The following INO80 variants were observed in gnomAD, a reference collection of about 807,000 sequenced individuals.
INO80 encodes INO80 complex ATPase subunit.
INO80 carries 20 observed loss-of-function variants against 203.4 expected under a neutral mutation model. The observed-to-expected ratio is 0.10, with a 90% CI of 0.07 to 0.14. The LOEUF (loss-of-function observed/expected upper bound fraction) is 0.14. Ranked by LOEUF, INO80 falls within the 10% of genes least tolerant of loss-of-function variation. The pLI is 1.00. For missense variants in INO80, 1,419 were observed against 1,914.4 expected (o/e 0.74, Z 4.83); for synonymous variants, 726 against 685.2 (o/e 1.06, Z -0.93).
At chr15:41,104,685 G>GT (rs1312409723) in intron 1 of INO80, among the ~76,000 whole-genome samples, 85 of 152,104 alleles carry the variant, frequency 5.6e-4, no homozygotes, top group African/African-American at 2.0e-3. Flanking sequence ...TTACAAGCAT[G>GT]AGCCACCACA....
chr15:40,998,665 T>G (rs1348659946), intron 28 of INO80, among the ~76,000 whole-genome samples: 1 of 152,038 alleles, frequency 6.6e-6, no homozygotes, highest in Non-Finnish European at 1.5e-5. Flanking sequence ...TTGTTTTTTT[T>G]TTTTTGAAGA....
At chr15:41,007,182 CTT>C (rs11330780) in intron 27 of INO80, among the ~76,000 whole-genome samples, 6,523 of 118,624 alleles carry the variant, frequency 0.055, 353 homozygotes, top group African/African-American at 0.18. Flanking sequence ...TTTTTTTTTT[CTT>C]TTTTTTTTTT....
chr15:41,075,483 C>T (rs1362641579), intron 9 of INO80, among the ~76,000 whole-genome samples: 1 of 151,930 alleles, frequency 6.6e-6, no homozygotes, highest in Non-Finnish European at 1.5e-5. Flanking sequence ...GGGGCAGAGT[C>T]TCCCTCTGTC....
intron 26 of INO80, chr15:41,019,618 T>C (rs377288384): frequency 6.6e-6 from 1 of 152,352 alleles, no homozygotes; most frequent in African/African-American, 2.4e-5. Flanking sequence ...CCTGGGATTC[T>C]GTAGTTTCCT....
At chr15:41,114,157 C>T (rs1200251629) in intron 1 of INO80, among the ~76,000 whole-genome samples, 1 of 151,738 alleles carries the variant, frequency 6.6e-6, no homozygotes, top group Non-Finnish European at 1.5e-5. Flanking sequence ...ATACCAGCTA[C>T]TCAGGAGGCT....
intron 16 of INO80, among the ~76,000 whole-genome samples, chr15:41,057,489 GAAGT>G (rs1467333911): frequency 6.7e-6 from 1 of 148,828 alleles, no homozygotes; most frequent in Non-Finnish European, 1.5e-5. Context: ...ATTGCTGTAG[GAAGT>G]AAGACCTTTC....
rs776902718 is a variant in INO80, at chr15:40,987,846, G to A, written c.3699C>T (p.Arg1233=). 5 of 1,614,136 alleles carry A rather than the reference G, an allele frequency of 3.1e-6. No individual in the cohort carries two copies. The South Asian group carries it at 3.3e-5, about 11-fold the overall frequency. The change falls in exon 30 of 36, where the codon CGC becomes CGT. Residue 1233 remains arginine (R), a synonymous_variant. Coordinates refer to ENST00000648947, the MANE Select transcript of INO80 (RefSeq NM_017553.3). ...TCTTCTCCTTGGCTCTTTGCAGAAT[G>A]CGTTCTTCAATGGTGCCTTTACAGA... ...RLICKGTIEE[R]ILQRAKEKSE... is the part of the protein sequence containing the mutation.
At chr15:41,047,620 T>A in intron 22 of INO80, 119 bp from the exon 23 acceptor site, 1 of 672,488 alleles carries the variant, frequency 1.5e-6, no homozygotes, top group Non-Finnish European at 2.5e-6. Flanking sequence ...AAGGTTCTGA[T>A]CTAGCCACTT....
chr15:41,033,337 ATTT>A (rs552646852), intron 24 of INO80, among the ~76,000 whole-genome samples: 3 of 138,952 alleles, frequency 2.2e-5, no homozygotes, highest in Admixed American at 1.4e-4. Context: ...CTGAATCAGA[ATTT>A]TTTTTTTTTT....
intron 27 of INO80, 121 bp downstream of exon 27, chr15:41,015,964 AAAG>A (rs1344179524): frequency 1.3e-6 from 1 of 782,298 alleles, no homozygotes; most frequent in African/African-American, 1.8e-5. Flanking sequence ...AAAAAAGGAA[AAAG>A]AAAAAAGACA....
intron 23 of INO80, among the ~76,000 whole-genome samples, chr15:41,045,873 C>A (rs2044749067): frequency 6.7e-6 from 1 of 149,344 alleles, no homozygotes; most frequent in African/African-American, 2.5e-5. Context: ...TGCACTCCAA[C>A]CTAGGCGACC....
At chr15:41,004,440 G>A (rs1433156770) in intron 28 of INO80, 2 of 152,212 alleles carry the variant, frequency 1.3e-5, no homozygotes, top group African/African-American at 2.4e-5. Flanking sequence ...GAATTCAGAA[G>A]TGAAATATTA....
chr15:41,004,488 C>T (rs1372176957), intron 28 of INO80: 1 of 152,178 alleles, frequency 6.6e-6, no homozygotes, highest in Non-Finnish European at 1.5e-5. Flanking sequence ...CAAAGCTGTT[C>T]TGATTTACTG....
Position 41,079,859 on chromosome 15 carries a change from C to G in INO80, c.973G>C (p.Ala325Pro). 1 of 1,614,076 alleles carries G rather than the reference C, an allele frequency of 6.2e-7. No homozygotes were observed. Among genetic ancestry groups the G allele is most frequent in the Non-Finnish European group, 8.5e-7 (1 of 1,180,018 alleles). Residue 325 changes from alanine to proline, a missense_variant, in exon 9 of 36, where the codon GCC (alanine) becomes CCC (proline). Physicochemically the swap from Ala to Pro is conservative, Grantham distance 27. This residue lies in a region of INO80 where 87 missense variants were observed against 150.5 expected (regional missense o/e 0.58). Coordinates refer to ENST00000648947, the MANE Select transcript of INO80 (RefSeq NM_017553.3). ...MKEVRRAALQ[A>P]QKNCKETLPR... Reference sequence around the variant, plus strand: ...AAGGTTTCCTTACAGTTCTTCTGGGCCTGCAAGGCAGCTCGACGCACCTCC... The same window carrying G: ...AAGGTTTCCTTACAGTTCTTCTGGGGCTGCAAGGCAGCTCGACGCACCTCC...
chr15:41,096,032 T>G (rs1021102751), intron 2 of INO80, 104 bp from the exon 3 acceptor site: 1 of 1,410,304 alleles, frequency 7.1e-7, no homozygotes, highest in African/African-American at 1.4e-5. Flanking sequence ...CTGAAATAAA[T>G]TGACTTTTTT....
rs2045550695 is a variant in INO80 at position 41,085,557 on chromosome 15, T to C, written c.685A>G (p.Arg229Gly). 1 of 1,613,820 alleles carries C rather than the reference T, an allele frequency of 6.2e-7. No individual in the cohort carries two copies. The highest frequency in any genetic ancestry group is 8.5e-7 in the Non-Finnish European group (1 of 1,179,786). The change falls in exon 7 of 36, where the codon AGA (arginine) becomes GGA (glycine). Residue 229 changes from arginine to glycine, a missense_variant. By Grantham distance (125) the Arg-to-Gly change is moderately radical. Around this residue, in one of 9 missense-constraint regions of INO80, gnomAD observed 323 missense variants for 325.4 expected, o/e 0.99. Transcript: ENST00000648947. ...KAKLKKVKKK[R>G]RRDEELSSEE... Reference sequence around the variant, plus strand: ...GAGGAAAGTTCTTCATCTCTTCGTCTTTTTTTCTTCACTTTTTTCAACTTA... The same window carrying C: ...GAGGAAAGTTCTTCATCTCTTCGTCCTTTTTTCTTCACTTTTTTCAACTTA...
chr15:41,007,204 G>C (rs11631664), intron 27 of INO80, among the ~76,000 whole-genome samples: 2 of 84,272 alleles, frequency 2.4e-5, no homozygotes, highest in Non-Finnish European at 4.4e-5. Context: ...TTTTTTTTTA[G>C]ACACTGTCTT....
At chr15:41,081,859 T>C (rs79784948) in intron 7 of INO80, among the ~76,000 whole-genome samples, 4,980 of 152,146 alleles carry the variant, frequency 0.033, 215 homozygotes, top group African/African-American at 0.095. Flanking sequence ...GACAGCAAAT[T>C]TAAGGGAATA....
At chr15:41,072,326 G>T (rs182805877) in intron 11 of INO80, among the ~76,000 whole-genome samples, 1 of 151,914 alleles carries the variant, frequency 6.6e-6, no homozygotes, top group African/African-American at 2.4e-5. Flanking sequence ...ATGTTAAATA[G>T]GGGCTCCTAT....
Sources: gnomAD v4.1 joint callset for allele counts (sites outside exome capture counted in the v4.1 genomes callset) on GRCh38, gnomAD v4.1.1 for gene constraint, gnomAD v4.1.1 regional missense constraint, MANE v1.5 for transcripts, NCBI Gene and HGNC (gene_info 2026-07-23, HGNC 2026-07-21) for gene names.